Variants in LUZP2 observed in about 807,000 individuals in gnomAD.
The protein encoded by LUZP2 is leucine zipper protein 2.
A neutral mutation model predicts 51.6 loss-of-function variants in LUZP2; 52 were observed. That is an observed-to-expected ratio of 1.01 (90% CI 0.81 to 1.27). The LOEUF (loss-of-function observed/expected upper bound fraction) is 1.27, where lower values mean the gene tolerates loss of function less well. LUZP2 is among the 50% of genes most tolerant of loss of function. The pLI is 0.00. For synonymous variants in LUZP2, 154 were observed against 137.3 expected (o/e 1.12, Z -0.85); for missense variants, 436 against 395.4 (o/e 1.10, Z -0.87).
chr11:25,000,829 CT>C (rs1309812293), intron 9 of LUZP2, among the ~76,000 whole-genome samples: 2 of 152,160 alleles, frequency 1.3e-5, no homozygotes, highest in Admixed American at 1.3e-4. Flanking sequence ...AGAGTCACTG[CT>C]GCTAAAGAGT....
In LUZP2 at chr11:24,714,194, C is replaced by T. The variant is rs930315091; in HGVS notation, c.63-14975C>T. ...CATTAGGACAAATACCTAATGCATG[C>T]GGGGCTTAAAACCTCAGTGATGGGT... On this transcript the variant is annotated intron_variant, in intron 1 of 11. Transcript: ENST00000336930. 4.0e-5 allele frequency among the ~76,000 whole-genome samples: 6 copies of T among 151,840 alleles called. No homozygotes were observed. The South Asian group carries it at 6.2e-4, about 16-fold the overall frequency.
chr11:24,702,587 T>A (rs1017090065), intron 1 of LUZP2, among the ~76,000 whole-genome samples: 12 of 152,088 alleles, frequency 7.9e-5, no homozygotes, highest in African/African-American at 2.9e-4. Flanking sequence ...GGCCCCAGAC[T>A]CTTTGAAACA....
At chr11:24,624,292 G>A (rs1313433492) in intron 1 of LUZP2, among the ~76,000 whole-genome samples, 1 of 152,028 alleles carries the variant, frequency 6.6e-6, no homozygotes, top group East Asian at 1.9e-4. Context: ...AGTGTCCTGT[G>A]TGTATTTGGT....
chr11:24,633,972 AGTCT>A (rs1854987746), intron 1 of LUZP2, among the ~76,000 whole-genome samples: 1 of 151,090 alleles, frequency 6.6e-6, no homozygotes, highest in Non-Finnish European at 1.5e-5. Flanking sequence ...GTGTATATAT[AGTCT>A]GTCTATTAAA....
intron 5 of LUZP2, among the ~76,000 whole-genome samples, chr11:24,853,359 T>C (rs955580231): frequency 1.3e-5 from 2 of 152,034 alleles, no homozygotes; most frequent in African/African-American, 4.8e-5. Context: ...TATAAAATTC[T>C]TCATTAAGTT....
At chr11:25,038,447 CA>C in intron 9 of LUZP2, among the ~76,000 whole-genome samples, 1 of 152,182 alleles carries the variant, frequency 6.6e-6, no homozygotes, top group Admixed American at 6.5e-5. Context: ...ATGAAAGAGT[CA>C]AAATCACACA....
chr11:24,678,244 A>G (rs545426601), intron 1 of LUZP2, among the ~76,000 whole-genome samples: 1 of 152,292 alleles, frequency 6.6e-6, no homozygotes, highest in East Asian at 1.9e-4. Context: ...TAACCATTCA[A>G]TACGTTTTTG....
At chr11:24,651,356 A>G (rs1855618349) in intron 1 of LUZP2, among the ~76,000 whole-genome samples, 1 of 152,132 alleles carries the variant, frequency 6.6e-6, no homozygotes, top group South Asian at 2.1e-4. Flanking sequence ...AGAGATGAAC[A>G]TTTAGCAAAG....
intron 5 of LUZP2, among the ~76,000 whole-genome samples, chr11:24,769,566 A>T (rs77624487): frequency 6.6e-6 from 1 of 152,038 alleles, no homozygotes; most frequent in African/African-American, 2.4e-5. Context: ...AATTTAAACT[A>T]GTTTCTGATA....
At position 24,857,099 on chromosome 11, in the gene LUZP2, G is replaced by T. The variant is rs11028227; in HGVS notation, c.397-48892G>T. ...CTTATGTTTATACGAATAATTAAAAGGACCATCCATTCTAAGCAGATTCCC... is the reference window on the plus strand; with the variant it reads ...CTTATGTTTATACGAATAATTAAAATGACCATCCATTCTAAGCAGATTCCC... On this transcript the variant is annotated intron_variant, in intron 5 of 11. Transcript: ENST00000336930. Among the ~76,000 whole-genome samples, 965 of 151,812 alleles carry T rather than the reference G, an allele frequency of 6.4e-3. 44 individuals carry two copies. The East Asian group carries it at 0.13, about 20-fold the overall frequency.
At chr11:24,695,665 A>G (rs1163113456) in intron 1 of LUZP2, among the ~76,000 whole-genome samples, 1 of 152,078 alleles carries the variant, frequency 6.6e-6, no homozygotes, top group Non-Finnish European at 1.5e-5. Context: ...TGTGGTCCAA[A>G]TTAATAATAG....
chr11:24,931,048 T>A (rs1200550535), intron 7 of LUZP2, among the ~76,000 whole-genome samples: 1 of 151,666 alleles, frequency 6.6e-6, no homozygotes, highest in Non-Finnish European at 1.5e-5. Flanking sequence ...CTGTCTCTAC[T>A]AAAACTACAA....
intron 5 of LUZP2, among the ~76,000 whole-genome samples, chr11:24,809,181 A>G (rs1418502883): frequency 6.6e-6 from 1 of 152,184 alleles, no homozygotes; most frequent in Non-Finnish European, 1.5e-5. Flanking sequence ...TATGATTCTA[A>G]AAATGTTTCA....
chr11:24,803,226 A>C (rs1849745309), intron 5 of LUZP2, among the ~76,000 whole-genome samples: 1 of 152,128 alleles, frequency 6.6e-6, no homozygotes, highest in African/African-American at 2.4e-5. Flanking sequence ...ATATTTCCCC[A>C]AATAAGACAT....
chr11:24,784,911 T>A (rs1849198768), intron 5 of LUZP2, among the ~76,000 whole-genome samples: 1 of 152,070 alleles, frequency 6.6e-6, no homozygotes, highest in African/African-American at 2.4e-5. Context: ...TACATGTAAA[T>A]ACATACATTT....
intron 1 of LUZP2, among the ~76,000 whole-genome samples, chr11:24,664,389 C>T (rs972580388): frequency 1.3e-5 from 2 of 152,056 alleles, no homozygotes; most frequent in African/African-American, 4.8e-5. Context: ...AAATTTGCAG[C>T]CTGACAATGA....
chr11:25,032,873 T>C (rs1857732118), intron 9 of LUZP2, among the ~76,000 whole-genome samples: 2 of 152,188 alleles, frequency 1.3e-5, no homozygotes, highest in South Asian at 2.1e-4. Flanking sequence ...TATTCTGAAG[T>C]TAGATCAAAG....
At chr11:24,747,958 A>T (rs993986342) in intron 4 of LUZP2, among the ~76,000 whole-genome samples, 1 of 152,110 alleles carries the variant, frequency 6.6e-6, no homozygotes, top group Non-Finnish European at 1.5e-5. Context: ...AGCAGAGCTT[A>T]AGAACTTACC....
intron 1 of LUZP2, among the ~76,000 whole-genome samples, chr11:24,562,885 G>A (rs1201124383): frequency 6.6e-6 from 1 of 150,432 alleles, no homozygotes; most frequent in African/African-American, 2.4e-5. Context: ...AAAAAGAAAG[G>A]TTATAATTAA....
Sources: allele counts gnomAD v4.1 joint callset (sites outside exome capture counted in the v4.1 genomes callset), GRCh38; gene constraint gnomAD v4.1.1; transcripts MANE v1.5; gene names NCBI Gene and HGNC (gene_info 2026-07-23, HGNC 2026-07-21).